Variants in GCSAML observed in about 807,000 individuals in gnomAD.
GCSAML encodes germinal center associated signaling and motility like.
GCSAML carries 9 observed loss-of-function variants against 13.0 expected under a neutral mutation model. That is an observed-to-expected ratio of 0.69 (90% CI 0.42 to 1.21). The LOEUF is 1.21. Among genes scored for constraint, GCSAML ranks in the 50% most tolerant of loss-of-function variants. The pLI is 0.00. For synonymous variants in GCSAML, 37 were observed against 52.9 expected (o/e 0.70, Z 1.31); for missense variants, 143 against 153.4 (o/e 0.93, Z 0.36).
At chr1:247,549,354 G>A in intron 1 of GCSAML, 134 bp downstream of exon 1, 2 of 679,422 alleles carry the variant, frequency 2.9e-6, no homozygotes, top group South Asian at 4.2e-5. Flanking sequence ...CATCCTCTAG[G>A]AGCACACAGT....
intron 1 of GCSAML, among the ~76,000 whole-genome samples, chr1:247,508,538 G>A (rs1572271082): frequency 6.6e-6 from 1 of 152,000 alleles, no homozygotes; most frequent in Non-Finnish European, 1.5e-5. Context: ...GTCAATTTTG[G>A]CTTTTTTTGG....
At chr1:247,515,026 A>G (rs1212636974) in intron 1 of GCSAML, among the ~76,000 whole-genome samples, 1 of 152,184 alleles carries the variant, frequency 6.6e-6, no homozygotes, top group African/African-American at 2.4e-5. Context: ...TGGGAATTGC[A>G]TTGAACTTGT....
At chr1:247,533,818 G>T (rs973700858) in intron 2 of GCSAML, 12 of 152,200 alleles carry the variant, frequency 7.9e-5, no homozygotes, top group Non-Finnish European at 1.6e-4. Flanking sequence ...CTATGAATCT[G>T]CCATTTGTCA....
intron 3 of GCSAML, among the ~76,000 whole-genome samples, chr1:247,564,084 C>T (rs4925684): frequency 0.15 from 23,108 of 151,968 alleles, 2,301 homozygotes; most frequent in East Asian, 0.45. Context: ...CAGGGAGACA[C>T]CACCACACCC....
At chr1:247,545,163 G>A (rs920834267), upstream of GCSAML, among the ~76,000 whole-genome samples, 1 of 152,154 alleles carries the variant, frequency 6.6e-6, no homozygotes, top group African/African-American at 2.4e-5. Context: ...CTTAGGTAAG[G>A]AATTGGTTTT....
intron 2 of GCSAML, chr1:247,528,240 TTA>T (rs1666762653): frequency 6.6e-6 from 1 of 152,160 alleles, no homozygotes; most frequent in African/African-American, 2.4e-5. Context: ...AAATTTCATT[TTA>T]GTTTGTTTTT....
rs1188142151 is a variant in GCSAML, at chr1:247,565,931, G to A, written c.140G>A (p.Ser47Asn). ...TTTTTTTTTTTTTTTAATTCTCCAG[G>A]CCAAGAAGTTTCATCCACTTCTAAT... ...ERKLQDQDKK[S>N]QEVSSTSNQE... The change falls in exon 4 of 5, where the codon AGC (serine) becomes AAC (asparagine). Residue 47 changes from serine (S) to asparagine (N), a missense_variant and splice_region_variant. Transcript: ENST00000366488. The A allele has an allele frequency of 3.2e-6, 5 of 1,546,122 alleles. No homozygotes were observed. The highest frequency in any genetic ancestry group is 3.5e-6 in the Non-Finnish European group (4 of 1,153,442).
At chr1:247,571,845 G>A (rs908857273) in intron 4 of GCSAML, among the ~76,000 whole-genome samples, 1 of 152,146 alleles carries the variant, frequency 6.6e-6, no homozygotes, top group African/African-American at 2.4e-5. Context: ...CCAATCAAAT[G>A]TAGGTTTGAT....
intron 1 of GCSAML, among the ~76,000 whole-genome samples, chr1:247,516,601 A>G (rs1489172835): frequency 6.3e-5 from 9 of 143,244 alleles, no homozygotes; most frequent in African/African-American, 2.1e-4. Context: ...CACTTTATAT[A>G]TGGCTGGTGA....
In GCSAML at chr1:247,574,229, T is replaced by C; in HGVS notation, c.255T>C (p.Asn85=). Reference sequence around the variant, plus strand: ...ATCAGAGATCCTCCCTGAGCTCCAATGATGATGGCTATGAGAACATTGACT... The same window carrying C: ...ATCAGAGATCCTCCCTGAGCTCCAACGATGATGGCTATGAGAACATTGACT... The part of the protein sequence containing the change: ...IPHQRSSLSS[N]DDGYENIDSL... Residue 85 remains asparagine, a synonymous_variant, in exon 5 of 5, where the codon AAT becomes AAC. Coordinates refer to ENST00000366488, the MANE Select transcript of GCSAML (RefSeq NM_145278.5). 3.1e-6 allele frequency: 5 copies of C among 1,614,090 alleles called. No homozygotes were observed. Among genetic ancestry groups the C allele is most frequent in the Non-Finnish European group, 4.2e-6 (5 of 1,179,984 alleles).
intron 4 of GCSAML, among the ~76,000 whole-genome samples, chr1:247,569,060 C>A (rs1366375034): frequency 6.6e-6 from 1 of 152,080 alleles, no homozygotes; most frequent in African/African-American, 2.4e-5. Flanking sequence ...GATTTTGTAT[C>A]CTGAGACTTT....
intron 1 of GCSAML, chr1:247,518,355 C>T (rs993136997): frequency 1.3e-5 from 2 of 152,422 alleles, no homozygotes; most frequent in African/African-American, 4.8e-5. Context: ...CCCAGCCGCC[C>T]TGGCGCCTCT....
intron 3 of GCSAML, among the ~76,000 whole-genome samples, chr1:247,564,193 A>T (rs1288105175): frequency 2.0e-5 from 3 of 152,084 alleles, no homozygotes; most frequent in Non-Finnish European, 4.4e-5. Flanking sequence ...CAGCCTCCGA[A>T]AGTGCTGGGA....
At chr1:247,521,222 T>C (rs1002592169) in intron 1 of GCSAML, among the ~76,000 whole-genome samples, 2 of 152,106 alleles carry the variant, frequency 1.3e-5, no homozygotes, top group Non-Finnish European at 2.9e-5. Flanking sequence ...TCAATTTTTA[T>C]ATACCTGCAG....
chr1:247,531,690 G>A (rs200844035), intron 2 of GCSAML: 9 of 1,614,052 alleles, frequency 5.6e-6, no homozygotes, highest in Non-Finnish European at 6.8e-6. Flanking sequence ...ACAGAGCTAT[G>A]AACTTGCCCT....
chr1:247,531,714 G>A (rs1217898725), intron 2 of GCSAML: 1 of 1,614,220 alleles, frequency 6.2e-7, no homozygotes, highest in African/African-American at 1.3e-5. Context: ...CATGGGAGGT[G>A]CTCTTGGCTG....
chr1:247,541,192 T>G (rs1463737683), intron 2 of GCSAML, among the ~76,000 whole-genome samples: 6 of 152,186 alleles, frequency 3.9e-5, no homozygotes, highest in Non-Finnish European at 7.4e-5. Context: ...AATTTTTTTT[T>G]TCCTATTGAA....
intron 4 of GCSAML, among the ~76,000 whole-genome samples, chr1:247,566,420 T>C (rs1430754609): frequency 1.3e-5 from 2 of 152,106 alleles, no homozygotes; most frequent in African/African-American, 4.8e-5. Context: ...TTTTTTATTT[T>C]TAGTAGAGAC....
upstream of GCSAML, among the ~76,000 whole-genome samples, chr1:247,547,332 A>G (rs1667617863): frequency 6.6e-6 from 1 of 152,130 alleles, no homozygotes; most frequent in Admixed American, 6.5e-5. Flanking sequence ...CGTAGCTCCT[A>G]TCCATTCTGC....
Sources: allele counts gnomAD v4.1 joint callset (sites outside exome capture counted in the v4.1 genomes callset), GRCh38; gene constraint gnomAD v4.1.1; transcripts MANE v1.5; gene names NCBI Gene and HGNC (gene_info 2026-07-23, HGNC 2026-07-21).